HMCN1: variants seen among roughly 807,000 people sequenced by gnomAD.
HMCN1 encodes hemicentin 1.
A neutral mutation model predicts 625.9 loss-of-function variants in HMCN1; 321 were observed. The observed-to-expected ratio is 0.51, with a 90% CI of 0.47 to 0.56. The LOEUF (loss-of-function observed/expected upper bound fraction) is 0.56, where lower values mean the gene tolerates loss of function less well. HMCN1 is among the 20% of genes least tolerant of loss of function. The pLI is 0.00. For missense variants in HMCN1, 6,588 were observed against 6,887.3 expected, an observed-to-expected ratio of 0.96 and a Z score of 1.54; for synonymous variants, 2,425 against 2,417.6, an observed-to-expected ratio of 1.00 and a Z score of -0.09.
chr1:186,129,997 A>G lies in HMCN1; in HGVS notation c.12936A>G (p.Glu4312=), dbSNP rs1661842867. The stretch of plus-strand genomic sequence containing the variant: ...TTGACAGTGTGAATGGACACAGTGA[A>G]CTTGTTATTGAAAGAGTGTCAAAAG... The part of the protein sequence containing the change: ...AHFDSVNGHS[E]LVIERVSKED... Residue 4312 remains glutamate, a synonymous_variant, in exon 84 of 107, where the codon GAA becomes GAG. Coordinates refer to ENST00000271588, the MANE Select transcript of HMCN1 (RefSeq NM_031935.3). 2 of 1,613,174 alleles carry G rather than the reference A, an allele frequency of 1.2e-6. No homozygotes were observed. Among genetic ancestry groups the G allele is most frequent in the Non-Finnish European group, 1.7e-6 (2 of 1,179,332 alleles).
intron 86 of HMCN1, among the ~76,000 whole-genome samples, 170 bp downstream of exon 86, chr1:186,132,579 T>C (rs983537958): frequency 6.6e-6 from 1 of 152,154 alleles, no homozygotes; most frequent in Admixed American, 6.6e-5. Flanking sequence ...ATAAATCTGA[T>C]AACACACAGA....
Position 185,997,518 on chromosome 1 carries a change from G to A in HMCN1, c.3868G>A (p.Ala1290Thr), listed in dbSNP as rs1403886648. The change falls in exon 25 of 107, where the codon GCA becomes ACA. Residue 1290 changes from alanine to threonine, a missense_variant. By Grantham distance (58) the Ala-to-Thr change is moderately conservative. Around this residue, in one of 3 missense-constraint regions of HMCN1, gnomAD observed 4,628 missense variants for 4,853.1 expected, o/e 0.95. Transcript: ENST00000271588. ...ANQRIEFPCP[A>T]KGTPKPTIKW... ...TCAACGCATTGAATTTCCATGTCCT[G>A]CAAAAGGTACGTAATACTGAAAGAT... The A allele has an allele frequency of 2.5e-6, 4 of 1,603,422 alleles. No homozygotes were observed. Among genetic ancestry groups the A allele is most frequent in the Admixed American group, 3.3e-5 (2 of 59,906 alleles).
chr1:186,160,307 CTCTT>C (rs1168928663), intron 97 of HMCN1, among the ~76,000 whole-genome samples: 2 of 146,480 alleles, frequency 1.4e-5, no homozygotes, highest in South Asian at 2.2e-4. Flanking sequence ...TGATTCTTCT[CTCTT>C]TTTTTCTTTA....
chr1:186,030,593 T>G lies in HMCN1; in HGVS notation c.5750-7341T>G, dbSNP rs550500375. ...TGTCTTTGAATCTAAAGTGTGCTAT[T>G]ATAGGCAACATACAGTTGAATTTTT... On this transcript the variant is annotated intron_variant, in intron 36 of 106. Coordinates refer to ENST00000271588, the MANE Select transcript of HMCN1 (RefSeq NM_031935.3). Among the ~76,000 whole-genome samples the G allele has an allele frequency of 5.3e-5, 8 of 152,158 alleles. No individual in the cohort carries two copies. The East Asian group carries it at 1.5e-3, about 29-fold the overall frequency.
At chr1:185,933,262 C>T (rs1447683773) in intron 10 of HMCN1, among the ~76,000 whole-genome samples, 5 of 152,240 alleles carry the variant, frequency 3.3e-5, no homozygotes, top group South Asian at 2.1e-4. Context: ...AATCCTCAGT[C>T]AGTCAAGTTA....
In HMCN1 at chr1:185,963,170, C is replaced by A. The variant is rs1426641563; in HGVS notation, c.1970+511C>A. Among the ~76,000 whole-genome samples the A allele has an allele frequency of 2.0e-5, 3 of 152,086 alleles. No homozygotes were observed. The East Asian group carries it at 5.8e-4, about 29-fold the overall frequency. ...TAAAAGCATTGAATCCACTCATGCT[C>A]CTACAGTATAATAAACACGTGGAAT... is the stretch of plus-strand genomic sequence containing the variant. On this transcript the variant is annotated intron_variant, in intron 12 of 106. Coordinates refer to ENST00000271588, the MANE Select transcript of HMCN1 (RefSeq NM_031935.3).
At chr1:185,897,550 CCTTCGAACATGTTATTT>C (rs1365086396) in intron 4 of HMCN1, among the ~76,000 whole-genome samples, 1 of 152,174 alleles carries the variant, frequency 6.6e-6, no homozygotes, top group East Asian at 1.9e-4. Flanking sequence ...TATTATATTG[CCTTCGAACATGTTATTT>C]CTTCTGTCCC....
In HMCN1 at chr1:186,108,451, T is replaced by C; in HGVS notation, c.10853-10T>C. 6.2e-7 allele frequency: 1 copy of C among 1,614,134 alleles called. No individual in the cohort carries two copies. The highest frequency in any genetic ancestry group is 8.5e-7 in the Non-Finnish European group (1 of 1,179,994). ...CAGATTGCTTTTGTTGTATTTGTTC[T>C]CACACCCAGTACCTCCTAATATTGC... On this transcript the variant is annotated splice_polypyrimidine_tract_variant and intron_variant, in intron 70 of 106. Transcript: ENST00000271588.
At chr1:185,782,242 C>T (rs1395672092) in intron 1 of HMCN1, among the ~76,000 whole-genome samples, 1 of 152,160 alleles carries the variant, frequency 6.6e-6, no homozygotes, top group African/African-American at 2.4e-5. Flanking sequence ...ATGTGTTTCT[C>T]TGCACGTGAG....
intron 103 of HMCN1, 26 bp downstream of exon 103, chr1:186,174,668 A>G (rs1254019113): frequency 1.9e-6 from 3 of 1,613,228 alleles, no homozygotes; most frequent in Non-Finnish European, 2.5e-6. Context: ...CTTGTTGAGC[A>G]ATAAAGCTAC....
chr1:185,795,178 G>A (rs1356941973), intron 1 of HMCN1, among the ~76,000 whole-genome samples: 1 of 152,194 alleles, frequency 6.6e-6, no homozygotes, highest in Non-Finnish European at 1.5e-5. Flanking sequence ...TCATAGTCGA[G>A]CTTGTGAAAT....
intron 1 of HMCN1, among the ~76,000 whole-genome samples, chr1:185,840,089 A>C (rs1661388266): frequency 6.6e-6 from 1 of 152,202 alleles, no homozygotes; most frequent in African/African-American, 2.4e-5. Flanking sequence ...GCTCAGCTCA[A>C]AGTCAGGAAA....
At chr1:186,008,502 TA>T (rs1653783409) in intron 30 of HMCN1, among the ~76,000 whole-genome samples, 1 of 152,164 alleles carries the variant, frequency 6.6e-6, no homozygotes, top group Admixed American at 6.5e-5. Flanking sequence ...TTAATGTGGC[TA>T]CCAGAAAACT....
chr1:185,869,434 C>T (rs536745036), intron 4 of HMCN1, among the ~76,000 whole-genome samples: 1 of 152,224 alleles, frequency 6.6e-6, no homozygotes, highest in East Asian at 1.9e-4. Flanking sequence ...GTTATTATAA[C>T]ACTGGTAGTG....
chr1:185,981,204 T>C (rs992815506), intron 17 of HMCN1, 131 bp downstream of exon 17: 1 of 678,346 alleles, frequency 1.5e-6, no homozygotes, highest in African/African-American at 1.8e-5. Context: ...CAGCCTTCCC[T>C]TCCCTGCCAC....
intron 1 of HMCN1, among the ~76,000 whole-genome samples, chr1:185,825,428 A>G (rs186895922): frequency 6.6e-6 from 1 of 152,326 alleles, no homozygotes; most frequent in East Asian, 1.9e-4. Flanking sequence ...TCGGATGCCA[A>G]GAAAGTATGG....
At position 186,057,227 on chromosome 1, in the gene HMCN1, C is replaced by A. The variant is rs1266768440; in HGVS notation, c.7145-7C>A. On this transcript the variant is annotated splice_region_variant and splice_polypyrimidine_tract_variant and intron_variant, in intron 45 of 106. Coordinates refer to ENST00000271588, the MANE Select transcript of HMCN1 (RefSeq NM_031935.3). ...CCATTCCCTGTTTGTTTTATTTTGT[C>A]TTACAGCTCCTCCAAGCATCATAGG... 6.2e-7 allele frequency: 1 copy of A among 1,608,452 alleles called. No individual in the cohort carries two copies.
At chr1:186,174,024 G>A (rs921111500) in intron 102 of HMCN1, among the ~76,000 whole-genome samples, 1 of 152,186 alleles carries the variant, frequency 6.6e-6, no homozygotes, top group African/African-American at 2.4e-5. Context: ...ATCATTTAAA[G>A]CTTGATGGAC....
rs150181035 is a variant in HMCN1 at position 185,928,004 on chromosome 1, A to G, written c.1431-542A>G. 2.0e-4 allele frequency among the ~76,000 whole-genome samples: 31 copies of G among 152,286 alleles called. No homozygotes were observed. The East Asian group carries it at 5.8e-3, about 28-fold the overall frequency. Reference sequence around the variant, plus strand: ...TTAACCTACATGATAGAGTTTAACTATAAAACTGATCATTTGTTTTCATTT... The same window carrying G: ...TTAACCTACATGATAGAGTTTAACTGTAAAACTGATCATTTGTTTTCATTT... On this transcript the variant is annotated intron_variant, in intron 9 of 106. Transcript: ENST00000271588.
Sources: allele counts gnomAD v4.1 joint callset (sites outside exome capture counted in the v4.1 genomes callset), GRCh38; gene constraint gnomAD v4.1.1; regional missense constraint gnomAD v4.1.1; transcripts MANE v1.5; gene names NCBI Gene and HGNC (gene_info 2026-07-23, HGNC 2026-07-21).